Variants in ZNF69 observed in about 807,000 individuals in gnomAD.
ZNF69 encodes ZNF3.
Under a neutral mutation model 50.9 loss-of-function variants are expected in ZNF69, and 47 were observed. That is an observed-to-expected ratio of 0.92 (90% CI 0.73 to 1.18). The LOEUF is 1.18. ZNF69 is among the 50% of genes most tolerant of loss of function. The probability of loss-of-function intolerance (pLI) is 0.00; values close to 1 mark genes in which losing one functional copy is unlikely to be tolerated. For synonymous variants in ZNF69, 216 were observed against 223.1 expected (o/e 0.97, Z 0.29); for missense variants, 717 against 675.1 (o/e 1.06, Z -0.69).
chr19:11,902,277 C>T (rs191762487), intron 1 of ZNF69, among the ~76,000 whole-genome samples: 61 of 152,164 alleles, frequency 4.0e-4, no homozygotes, highest in African/African-American at 1.2e-3. Context: ...CCACCATGCC[C>T]GGCTAAGATG....
At chr19:11,927,768 G>A in the ZNF69 span, among the ~76,000 whole-genome samples, 3 of 152,178 alleles carry the variant, frequency 2.0e-5, no homozygotes, top group Non-Finnish European at 2.9e-5. Context: ...TTGTGGGAGT[G>A]TAAGGATACT....
chr19:11,941,587 C>T, the ZNF69 span, among the ~76,000 whole-genome samples: 4 of 152,328 alleles, frequency 2.6e-5, no homozygotes, highest in East Asian at 3.9e-4. Flanking sequence ...CCGGCTGCTC[C>T]GAGTGCGGGG....
chr19:11,939,516 G>A, the ZNF69 span, among the ~76,000 whole-genome samples: 6 of 152,268 alleles, frequency 3.9e-5, no homozygotes, highest in Middle Eastern at 3.4e-3. Context: ...TGTCAGGTTC[G>A]TCAAAGATCA....
At chr19:11,899,664 C>T (rs908257713) in intron 1 of ZNF69, among the ~76,000 whole-genome samples, 6 of 151,882 alleles carry the variant, frequency 4.0e-5, no homozygotes, top group Non-Finnish European at 8.8e-5. Flanking sequence ...TTGTTTGATT[C>T]TAGTTTTTGG....
the ZNF69 span, among the ~76,000 whole-genome samples, chr19:11,934,007 C>T: frequency 1.4e-5 from 2 of 147,516 alleles, no homozygotes; most frequent in Non-Finnish European, 2.9e-5. Context: ...AGTAACATTA[C>T]GTTGGATGGG....
intron 1 of ZNF69, among the ~76,000 whole-genome samples, chr19:11,889,488 CAG>C: frequency 6.6e-6 from 1 of 152,246 alleles, no homozygotes; most frequent in South Asian, 2.1e-4. Flanking sequence ...TTATTTAAAA[CAG>C]AGTCTCCTTC....
the ZNF69 span, among the ~76,000 whole-genome samples, chr19:11,923,400 G>A: frequency 2.0e-5 from 3 of 152,272 alleles, no homozygotes; most frequent in East Asian, 1.9e-4. Context: ...AGCTGCAACA[G>A]CACCCCGTCC....
At chr19:11,961,678 C>G in the ZNF69 span, 1 of 151,888 alleles carries the variant, frequency 6.6e-6, no homozygotes, top group African/African-American at 2.4e-5. Flanking sequence ...TACAATGGCG[C>G]GATCTCAACT....
chr19:11,898,747 C>G (rs1972182000), intron 1 of ZNF69, among the ~76,000 whole-genome samples: 1 of 152,084 alleles, frequency 6.6e-6, no homozygotes, highest in African/African-American at 2.4e-5. Context: ...TACCTGTAAT[C>G]CTACCATTTA....
Position 11,905,156 on chromosome 19 carries a change from T to C in ZNF69, c.759T>C (p.Cys253=). 6.2e-7 allele frequency: 1 copy of C among 1,614,136 alleles called. No homozygotes were observed. The highest frequency in any genetic ancestry group is 8.5e-7 in the Non-Finnish European group (1 of 1,180,014). The part of the protein sequence containing the change: ...TGEKPYECKQ[C]GKSFSYSATL... ...AGAAACCATATGAATGTAAACAATG[T>C]GGTAAATCCTTTAGTTATTCTGCTA... The change falls in exon 4 of 4, where the codon TGT becomes TGC. Residue 253 remains cysteine, a synonymous_variant. Coordinates refer to ENST00000429654, the MANE Select transcript of ZNF69 (RefSeq NM_001364730.1).
the ZNF69 span, among the ~76,000 whole-genome samples, chr19:11,930,629 C>T: frequency 6.7e-6 from 1 of 148,400 alleles, no homozygotes; most frequent in Non-Finnish European, 1.5e-5. Flanking sequence ...CCATTTGTCC[C>T]TGCTTTTTCT....
chr19:11,907,612 A>T (rs1018639538), downstream of ZNF69, among the ~76,000 whole-genome samples: 1 of 152,204 alleles, frequency 6.6e-6, no homozygotes, highest in African/African-American at 2.4e-5. Context: ...TCCTTTACAG[A>T]TTCAAATGCT....
chr19:11,962,333 G>C, the ZNF69 span, among the ~76,000 whole-genome samples: 2 of 152,314 alleles, frequency 1.3e-5, no homozygotes, highest in Middle Eastern at 3.4e-3. Context: ...GATTCTACCT[G>C]CTGGAAAGCA....
intron 1 of ZNF69, among the ~76,000 whole-genome samples, chr19:11,889,853 G>C (rs1031036093): frequency 6.6e-6 from 1 of 152,184 alleles, no homozygotes; most frequent in Admixed American, 6.5e-5. Context: ...CAGGGTGATG[G>C]TGGGGAGAAG....
chr19:11,904,772 A>C lies in ZNF69; in HGVS notation c.375A>C (p.Ser125=). The C allele has an allele frequency of 1.2e-6, 2 of 1,613,990 alleles. No individual in the cohort carries two copies. The highest frequency in any genetic ancestry group is 1.7e-6 in the Non-Finnish European group (2 of 1,179,890). ...AGAAAGCTTCTCCTGAAATAAAATCATGTGACAGCTTTGTGTGTGGAGAAG... is the reference window on the plus strand; with the variant it reads ...AGAAAGCTTCTCCTGAAATAAAATCCTGTGACAGCTTTGTGTGTGGAGAAG... The part of the protein sequence containing the change: ...QEKKASPEIK[S]CDSFVCGEVG... The change falls in exon 4 of 4, where the codon TCA becomes TCC. Residue 125 remains serine (S), a synonymous_variant. Transcript: ENST00000429654.
intron 1 of ZNF69, among the ~76,000 whole-genome samples, chr19:11,891,365 T>G (rs1977082565): frequency 7.6e-6 from 1 of 130,918 alleles, no homozygotes; most frequent in African/African-American, 3.2e-5. Flanking sequence ...AGTGAGAGCC[T>G]GTCTGTATTA....
chr19:11,901,978 C>CTTTTTT (rs58505422), intron 1 of ZNF69, among the ~76,000 whole-genome samples: 63 of 119,070 alleles, frequency 5.3e-4, no homozygotes, highest in East Asian at 9.2e-4. Context: ...ATGTTATTTT[C>CTTTTTT]TTTTTTTTTT....
chr19:11,957,844 A>G, the ZNF69 span, among the ~76,000 whole-genome samples: 34 of 152,006 alleles, frequency 2.2e-4, no homozygotes, highest in African/African-American at 7.0e-4. Context: ...GACTGTCTCA[A>G]AAAAAGAAAA....
At chr19:11,899,977 G>A (rs1033378328) in intron 1 of ZNF69, among the ~76,000 whole-genome samples, 3 of 152,036 alleles carry the variant, frequency 2.0e-5, no homozygotes, top group Admixed American at 1.3e-4. Context: ...CTTTGGAGAC[G>A]GAGTTTCGTT....
Sources: gnomAD v4.1 joint callset for allele counts (sites outside exome capture counted in the v4.1 genomes callset) on GRCh38, gnomAD v4.1.1 for gene constraint, MANE v1.5 for transcripts, NCBI Gene and HGNC (gene_info 2026-07-23, HGNC 2026-07-21) for gene names.